NEMP2: variants seen among roughly 807,000 people sequenced by gnomAD.
The protein encoded by NEMP2 is nuclear envelope integral membrane protein 2.
NEMP2 carries 53 observed loss-of-function variants against 54.2 expected under a neutral mutation model. That is an observed-to-expected ratio of 0.98 (90% CI 0.78 to 1.23). NEMP2 has a LOEUF of 1.23. Among genes scored for constraint, NEMP2 ranks in the 50% most tolerant of loss-of-function variants. The pLI is 0.00. For missense variants in NEMP2, 455 were observed against 511.3 expected (o/e 0.89, Z 1.06); for synonymous variants, 197 against 190.3 (o/e 1.04, Z -0.29).
At chr2:190,642,895 C>T in the NEMP2 span, among the ~76,000 whole-genome samples, 50,149 of 151,114 alleles carry the variant, frequency 0.33, 8,781 homozygotes, top group South Asian at 0.47. This position sits in a 1 kb window ranked among gnomAD's most constrained non-coding sequence, Gnocchi z 4.1. Flanking sequence ...GAAATCTTTC[C>T]GAAAATAATA....
the NEMP2 span, chr2:190,640,919 T>A: frequency 6.6e-6 from 1 of 151,522 alleles, no homozygotes; most frequent in Non-Finnish European, 1.5e-5. Context: ...TTTGAACCCA[T>A]TCTGCTTTTC....
the NEMP2 span, among the ~76,000 whole-genome samples, chr2:190,447,866 A>G: frequency 1.3e-5 from 2 of 152,376 alleles, no homozygotes; most frequent in Admixed American, 6.5e-5. The surrounding 1 kb of genome is among the most constrained non-coding windows in gnomAD (Gnocchi z 4.5). Context: ...TGAAAAGAAC[A>G]TCTTTGCAAA....
At chr2:190,516,469 T>C (rs1690561390) in intron 5 of NEMP2, 85 bp from the exon 6 acceptor site, 2 of 968,288 alleles carry the variant, frequency 2.1e-6, no homozygotes, top group African/African-American at 3.3e-5. Context: ...CCTTTTGTAT[T>C]AGAAACTCCT....
At chr2:190,633,406 C>T in the NEMP2 span, among the ~76,000 whole-genome samples, 1 of 150,494 alleles carries the variant, frequency 6.6e-6, no homozygotes, top group South Asian at 2.1e-4. Context: ...CTCTGCGTCT[C>T]GGGTTCAAGT....
At chr2:190,577,646 C>T in the NEMP2 span, among the ~76,000 whole-genome samples, 556 of 152,238 alleles carry the variant, frequency 3.7e-3, 7 homozygotes, top group African/African-American at 0.013. This position sits in a 1 kb window ranked among gnomAD's most constrained non-coding sequence, Gnocchi z 4.8. Context: ...GAGGCTGAGG[C>T]GGGCAGATCA....
chr2:190,620,253 A>G, the NEMP2 span: 235 of 152,324 alleles, frequency 1.5e-3, 1 homozygote, highest in African/African-American at 5.3e-3. This position sits in a 1 kb window ranked among gnomAD's most constrained non-coding sequence, Gnocchi z 4.9. Context: ...ATTCATGCAC[A>G]AACATATTGC....
the NEMP2 span, among the ~76,000 whole-genome samples, chr2:190,621,237 C>A: frequency 6.6e-6 from 1 of 152,188 alleles, no homozygotes; most frequent in African/African-American, 2.4e-5. Flanking sequence ...TTGTATATAG[C>A]CTACTATACA....
chr2:190,628,795 G>A, the NEMP2 span: 1 of 152,138 alleles, frequency 6.6e-6, no homozygotes, highest in Non-Finnish European at 1.5e-5. This position sits in a 1 kb window ranked among gnomAD's most constrained non-coding sequence, Gnocchi z 4.1. Flanking sequence ...CCAGCTTCCC[G>A]GCTTCCCAGA....
the NEMP2 span, among the ~76,000 whole-genome samples, chr2:190,611,842 C>T: frequency 6.6e-6 from 1 of 152,100 alleles, no homozygotes; most frequent in Non-Finnish European, 1.5e-5. This position sits in a 1 kb window ranked among gnomAD's most constrained non-coding sequence, Gnocchi z 5.4. Context: ...TTGGTGAAAA[C>T]CTTGGTAAGT....
chr2:190,498,570 T>A, the NEMP2 span, among the ~76,000 whole-genome samples: 797 of 152,330 alleles, frequency 5.2e-3, 15 homozygotes, highest in South Asian at 8.1e-3. The surrounding 1 kb of genome is among the most constrained non-coding windows in gnomAD (Gnocchi z 5.9). Flanking sequence ...TCTTTACTGA[T>A]AACCATATGC....
Position 190,514,442 on chromosome 2 carries a change from A to G in NEMP2, c.953+11T>C. 6.5e-7 allele frequency: 1 copy of G among 1,548,224 alleles called. No homozygotes were observed. The highest frequency in any genetic ancestry group is 8.7e-7 in the Non-Finnish European group (1 of 1,145,096). On this transcript the variant is annotated intron_variant, in intron 7 of 8. Coordinates refer to ENST00000409150, the MANE Select transcript of NEMP2 (RefSeq NM_001142645.2). This position sits in a 1 kb window ranked among gnomAD's most constrained non-coding sequence, Gnocchi z 5.7. ...ATGTCAAATTTGCTGGGGGAAAAAA[A>G]TGATACATACCACCTCATATAACTG... is the stretch of plus-strand genomic sequence containing the variant.
the NEMP2 span, among the ~76,000 whole-genome samples, chr2:190,446,263 G>T: frequency 6.6e-6 from 1 of 152,178 alleles, no homozygotes; most frequent in Non-Finnish European, 1.5e-5. Flanking sequence ...AAGAGTTTGA[G>T]ATTATAAGAG....
chr2:190,421,816 A>G, the NEMP2 span, among the ~76,000 whole-genome samples: 1 of 152,174 alleles, frequency 6.6e-6, no homozygotes, highest in Admixed American at 6.5e-5. Flanking sequence ...CTCCCAAAAT[A>G]GTAGGATTAT....
chr2:190,560,882 C>T, the NEMP2 span, among the ~76,000 whole-genome samples: 1 of 152,160 alleles, frequency 6.6e-6, no homozygotes, highest in Non-Finnish European at 1.5e-5. The surrounding 1 kb of genome is among the most constrained non-coding windows in gnomAD (Gnocchi z 5.4). Context: ...TTTTATATCT[C>T]AGGTTACTTT....
the NEMP2 span, among the ~76,000 whole-genome samples, chr2:190,481,776 C>G: frequency 1.3e-5 from 2 of 152,168 alleles, no homozygotes; most frequent in Admixed American, 6.5e-5. Context: ...GCTTTTAACA[C>G]AAATTGTTGC....
rs1691025276 is a variant in NEMP2 at position 190,528,475 on chromosome 2, G to A, written c.98-3097C>T. Among the ~76,000 whole-genome samples, 1 of 152,172 alleles carries A rather than the reference G, an allele frequency of 6.6e-6. No individual in the cohort carries two copies. On this transcript the variant is annotated intron_variant, in intron 1 of 8. Coordinates refer to ENST00000409150, the MANE Select transcript of NEMP2 (RefSeq NM_001142645.2). The surrounding 1 kb of genome is among the most constrained non-coding windows in gnomAD (Gnocchi z 4.3). The stretch of plus-strand genomic sequence containing the variant: ...AGTGATTCCTACCTATCGTTGGAAA[G>A]GGAGTGCATTCCAGCAGGGCAGGTG...
the NEMP2 span, among the ~76,000 whole-genome samples, chr2:190,583,591 G>A: frequency 2.0e-5 from 3 of 152,184 alleles, no homozygotes; most frequent in African/African-American, 7.2e-5. Context: ...AGCAAAATCT[G>A]GCGATTTCAT....
At position 190,525,205 on chromosome 2, in the gene NEMP2, G is replaced by T. The variant is rs768644472; in HGVS notation, c.213+58C>A. 1.1e-6 allele frequency: 1 copy of T among 935,912 alleles called. No homozygotes were observed. Among genetic ancestry groups the T allele is most frequent in the Non-Finnish European group, 1.6e-6 (1 of 606,536 alleles). The allele number at this position is 935,912 out of a possible 1,614,324, so 58.0% of individuals were successfully genotyped here. A position where few individuals can be genotyped will look rare whatever the true frequency, so the allele number is the denominator to read the frequency against. ...CTATTCCTGAAGTGGTACATTTCCT[G>T]TCCCCAGGACATGGTAATTCTCTGT... On this transcript the variant is annotated intron_variant, in intron 2 of 8. Coordinates refer to ENST00000409150, the MANE Select transcript of NEMP2 (RefSeq NM_001142645.2). This position sits in a 1 kb window ranked among gnomAD's most constrained non-coding sequence, Gnocchi z 5.0.
intron 5 of NEMP2, among the ~76,000 whole-genome samples, chr2:190,517,100 A>T (rs1052096322): frequency 1.3e-5 from 2 of 151,708 alleles, no homozygotes; most frequent in Admixed American, 6.6e-5. Flanking sequence ...CAAAAAAAAA[A>T]AAAAAAAAAA....
Sources: allele counts gnomAD v4.1 joint callset (sites outside exome capture counted in the v4.1 genomes callset), GRCh38; gene constraint gnomAD v4.1.1; non-coding constraint Gnocchi (gnomAD v3.1); transcripts MANE v1.5; gene names NCBI Gene and HGNC (gene_info 2026-07-23, HGNC 2026-07-21).